The following ZNF618 variants were observed in gnomAD, a reference collection of about 807,000 sequenced individuals.
ZNF618 encodes the protein zinc finger protein 618.
In ZNF618, 34 loss-of-function variants were observed where a neutral mutation model predicts 103.0. That is an observed-to-expected ratio of 0.33 (90% CI 0.25 to 0.44). The LOEUF is 0.44. Among genes scored for constraint, ZNF618 ranks in the 20% least tolerant of loss-of-function variants. The pLI, the probability that ZNF618 is intolerant of heterozygous loss-of-function variation, is 1.00. For missense variants in ZNF618, 1,059 were observed against 1,295.4 expected, an observed-to-expected ratio of 0.82 and a Z score of 2.80; for synonymous variants, 551 against 542.2, an observed-to-expected ratio of 1.02 and a Z score of -0.23.
intron 13 of ZNF618, 37 bp from the exon 14 acceptor site, chr9:114,047,856 C>A: frequency 6.4e-7 from 1 of 1,551,438 alleles, no homozygotes; most frequent in Non-Finnish European, 8.8e-7. Flanking sequence ...GGCCTCTTAC[C>A]CTTCCAGGTA....
Position 114,051,909 on chromosome 9 carries a change from T to C in ZNF618, c.*1742T>C, listed in dbSNP as rs2134743976. ...CTCTCAGTGAATGAAGTGCTGGTGG[T>C]CTCACTCCCCTGGTGACCCTTAGCC... On this transcript the variant is annotated 3_prime_UTR_variant, in exon 15 of 15. Coordinates refer to ENST00000374126, the MANE Select transcript of ZNF618 (RefSeq NM_001318042.2). The C allele has an allele frequency of 6.6e-6, 1 of 152,308 alleles. No individual in the cohort carries two copies. The highest frequency in any genetic ancestry group is 3.4e-3 in the Middle Eastern group (1 of 294). 9.4% of individuals were successfully genotyped at this position (152,308 alleles called of 1,614,324 possible).
At chr9:114,010,763 T>C (rs115597503) in intron 9 of ZNF618, among the ~76,000 whole-genome samples, 3,363 of 152,288 alleles carry the variant, frequency 0.022, 135 homozygotes, top group African/African-American at 0.077. Context: ...TAGGCAGATA[T>C]AGGACAGGAA....
At chr9:113,930,510 A>T (rs1313833800) in intron 1 of ZNF618, among the ~76,000 whole-genome samples, 1 of 152,148 alleles carries the variant, frequency 6.6e-6, no homozygotes, top group Non-Finnish European at 1.5e-5. Context: ...ATAAGAAATT[A>T]TTGCCATTTT....
intron 1 of ZNF618, among the ~76,000 whole-genome samples, chr9:113,923,312 C>T (rs117282601): frequency 0.011 from 1,620 of 152,194 alleles, 9 homozygotes; most frequent in Non-Finnish European, 0.018. Flanking sequence ...GCATTAGCTA[C>T]GACTTCCACT....
At position 113,988,391 on chromosome 9, in the gene ZNF618, C is replaced by A; in HGVS notation, c.148C>A (p.Leu50Met). The change falls in exon 3 of 15, where the codon CTG (leucine) becomes ATG (methionine). Residue 50 changes from leucine to methionine, a missense_variant. Coordinates refer to ENST00000374126, the MANE Select transcript of ZNF618 (RefSeq NM_001318042.2). ...AGAGCCAGTGCCAGCCGAGGCCTCG[C>A]TGAGTGCCGAGCAAGGAACGATGAC... ...GPEPVPAEAS[L>M]SAEQGTMTEV... 1 of 1,613,624 alleles carries A rather than the reference C, an allele frequency of 6.2e-7. No homozygotes were observed. The highest frequency in any genetic ancestry group is 8.5e-7 in the Non-Finnish European group (1 of 1,179,882).
rs117395605 is a variant in ZNF618, at chr9:113,954,257, G to A, written c.34-14860G>A. ...ACTGTGGTCCCCAGAGCCTCTGATCGTCATCCCTATAGGTCTGGTCAAGGG... is the reference window on the plus strand; with the variant it reads ...ACTGTGGTCCCCAGAGCCTCTGATCATCATCCCTATAGGTCTGGTCAAGGG... On this transcript the variant is annotated intron_variant, in intron 1 of 14. Coordinates refer to ENST00000374126, the MANE Select transcript of ZNF618 (RefSeq NM_001318042.2). Among the ~76,000 whole-genome samples, 606 of 152,200 alleles carry A rather than the reference G, an allele frequency of 4.0e-3. 1 individual carries two copies. Among genetic ancestry groups the A allele is most frequent in the Middle Eastern group, 0.01 (3 of 292 alleles).
At position 113,933,209 on chromosome 9, in the gene ZNF618, CA is replaced by C. The variant is rs1247684184; in HGVS notation, c.34-35907del. On this transcript the variant is annotated intron_variant, in intron 1 of 14. Coordinates refer to ENST00000374126, the MANE Select transcript of ZNF618 (RefSeq NM_001318042.2). ...GCTAATTTGAGAGGAATGGAATCAA[CA>C]GAATGGGAACTGAGGTAGAGCCAGT... is the stretch of plus-strand genomic sequence containing the variant. Among the ~76,000 whole-genome samples, 42 of 152,160 alleles carry C rather than the reference CA, an allele frequency of 2.8e-4. 1 individual carries two copies. The highest frequency in any genetic ancestry group is 2.7e-3 in the Admixed American group (42 of 15,282).
chr9:113,945,204 A>C (rs1377662936), intron 1 of ZNF618, among the ~76,000 whole-genome samples: 1 of 151,948 alleles, frequency 6.6e-6, no homozygotes, highest in Non-Finnish European at 1.5e-5. Flanking sequence ...CATTGTGTGG[A>C]TTATGCCCCC....
At chr9:113,969,397 C>T (rs141409235) in intron 2 of ZNF618, among the ~76,000 whole-genome samples, 341 of 152,330 alleles carry the variant, frequency 2.2e-3, no homozygotes, top group Non-Finnish European at 3.9e-3. Flanking sequence ...GGCCATTGGC[C>T]ACTCAAGTTG....
At chr9:113,919,472 T>C (rs1564170478) in intron 1 of ZNF618, among the ~76,000 whole-genome samples, 2 of 152,264 alleles carry the variant, frequency 1.3e-5, no homozygotes, top group Non-Finnish European at 1.5e-5. Flanking sequence ...TTGAATTGTA[T>C]GTGTGTGTGC....
intron 2 of ZNF618, 149 bp downstream of exon 2, chr9:113,969,309 A>G: frequency 2.1e-6 from 2 of 959,358 alleles, no homozygotes; most frequent in Non-Finnish European, 1.6e-6. Context: ...AGACTTCCCC[A>G]AAGAATGTGA....
At chr9:113,921,536 GA>G (rs1408340900) in intron 1 of ZNF618, among the ~76,000 whole-genome samples, 1 of 152,160 alleles carries the variant, frequency 6.6e-6, no homozygotes, top group Admixed American at 6.5e-5. Flanking sequence ...CCAGAGTCTC[GA>G]AACACCCACA....
At chr9:113,980,636 A>C (rs1420458281) in intron 2 of ZNF618, among the ~76,000 whole-genome samples, 1 of 152,246 alleles carries the variant, frequency 6.6e-6, no homozygotes, top group Non-Finnish European at 1.5e-5. Context: ...GTGGATAAAA[A>C]TACAATAGGT....
At chr9:114,047,718 G>A (rs1304776337) in intron 13 of ZNF618, among the ~76,000 whole-genome samples, 175 bp from the exon 14 acceptor site, 2 of 152,172 alleles carry the variant, frequency 1.3e-5, no homozygotes, top group African/African-American at 4.8e-5. Flanking sequence ...TCTAAATGAT[G>A]AAAATGAGGC....
At chr9:113,906,376 G>A (rs890327038) in intron 1 of ZNF618, among the ~76,000 whole-genome samples, 1 of 152,128 alleles carries the variant, frequency 6.6e-6, no homozygotes, top group Non-Finnish European at 1.5e-5. Flanking sequence ...TCCTCCTTTG[G>A]CTTAGGGTTT....
chr9:113,931,930 G>A (rs1357888820), intron 1 of ZNF618, among the ~76,000 whole-genome samples: 1 of 152,150 alleles, frequency 6.6e-6, no homozygotes, highest in Non-Finnish European at 1.5e-5. Flanking sequence ...GCTGAGGGAA[G>A]GCTGTATAGT....
intron 1 of ZNF618, among the ~76,000 whole-genome samples, chr9:113,953,055 A>G (rs1009715238): frequency 2.6e-5 from 4 of 152,224 alleles, no homozygotes; most frequent in Non-Finnish European, 1.5e-5. Context: ...AACTACATGC[A>G]ATATAAAAAC....
rs57000343 is a variant in ZNF618, at chr9:113,886,971, C to CTT, written c.33+10585_33+10586dup. ...TTCATTGGTTTCTTTTTACTTTCTACTTTTTTTTTTTTTTTTTTTTTTTTT... is the reference window on the plus strand; with the variant it reads ...TTCATTGGTTTCTTTTTACTTTCTACTTTTTTTTTTTTTTTTTTTTTTTTTTT... On this transcript the variant is annotated intron_variant, in intron 1 of 14. Coordinates refer to ENST00000374126, the MANE Select transcript of ZNF618 (RefSeq NM_001318042.2). 4.5e-3 allele frequency among the ~76,000 whole-genome samples: 491 copies of CTT among 109,414 alleles called. 17 individuals are homozygous for CTT. Among genetic ancestry groups the CTT allele is most frequent in the Non-Finnish European group, 5.7e-3 (318 of 55,702 alleles). 71.8% of individuals were successfully genotyped at this position (109,414 alleles called of 152,430 possible).
Position 114,049,823 on chromosome 9 carries a change from G to T in ZNF618, c.2521G>T (p.Ala841Ser), listed in dbSNP as rs769698444. The stretch of plus-strand genomic sequence containing the variant: ...CATCAACGAGGTGAAGGAGTCCTGG[G>T]CCGAGGAGGCCGACTTCGAGCCCGC... ...ELINEVKESW[A>S]EEADFEPAAK... The change falls in exon 15 of 15, where the codon GCC (alanine) becomes TCC (serine). Residue 841 changes from alanine (A) to serine (S), a missense_variant. Ala to Ser is a moderately conservative substitution (Grantham distance 99, BLOSUM62 1). Around this residue, in one of 6 missense-constraint regions of ZNF618, gnomAD observed 156 missense variants for 197.1 expected, o/e 0.79. Transcript: ENST00000374126. The T allele has an allele frequency of 6.2e-7, 1 of 1,613,970 alleles. No homozygotes were observed. The highest frequency in any genetic ancestry group is 8.5e-7 in the Non-Finnish European group (1 of 1,179,908).
Sources: gnomAD v4.1 joint callset for allele counts (sites outside exome capture counted in the v4.1 genomes callset) on GRCh38, gnomAD v4.1.1 for gene constraint, gnomAD v4.1.1 regional missense constraint, MANE v1.5 for transcripts, NCBI Gene and HGNC (gene_info 2026-07-23, HGNC 2026-07-21) for gene names.